Variants in DOCK6 observed in about 807,000 individuals in gnomAD.
DOCK6 encodes the protein dedicator of cytokinesis protein 6.
In DOCK6, 167 loss-of-function variants were observed where a neutral mutation model predicts 230.3. The ratio of observed to expected loss-of-function variants is 0.73; its 90% CI spans 0.64 to 0.82. DOCK6 has a LOEUF of 0.82. Among genes scored for constraint, DOCK6 ranks in the 40% least tolerant of loss-of-function variants. DOCK6 has a pLI of 0.00. For synonymous variants in DOCK6, 1,148 were observed against 1,185.0 expected (o/e 0.97, Z 0.64); for missense variants, 2,598 against 2,825.8 (o/e 0.92, Z 1.83).
rs558550272 is a variant in DOCK6 at position 11,228,910 on chromosome 19, T to G, written c.2814+30A>C. The G allele has an allele frequency of 5.6e-6, 9 of 1,611,004 alleles. No individual in the cohort carries two copies. In the East Asian group the frequency reaches 2.0e-4, roughly 36 times the overall value. On this transcript the variant is annotated intron_variant, in intron 23 of 47. Transcript: ENST00000294618. ...GGAAGGGGCTCCACTGGGGGTCTCT[T>G]GCCACCAGGCAGGGAGGAGGGGGTC...
intron 35 of DOCK6, among the ~76,000 whole-genome samples, chr19:11,212,588 A>C (rs1600866258): frequency 8.5e-6 from 1 of 117,708 alleles, no homozygotes. Context: ...TTTGAGACTG[A>C]GTGTCACTTT....
rs1210551848 is a variant in DOCK6 at position 11,209,001 on chromosome 19, C to T, written c.4854G>A (p.Gln1618=). 3 of 1,611,302 alleles carry T rather than the reference C, an allele frequency of 1.9e-6. No homozygotes were observed. The highest frequency in any genetic ancestry group is 2.7e-5 in the African/African-American group (2 of 74,848). The change falls in exon 38 of 48, where the codon CAG becomes CAA. Residue 1618 remains glutamine (Q), a synonymous_variant. Transcript: ENST00000294618. The stretch of plus-strand genomic sequence containing the variant: ...CGAGGGCGGCCGCGTGCACCATGCA[C>T]TGGGCGGCCTCGGCGTGGTTGCCCA... ...AELGNHAEAA[Q]CMVHAAALVA... is the part of the protein sequence containing the mutation.
At chr19:11,240,158 G>T (rs1055701628) in intron 14 of DOCK6, 3 of 1,551,876 alleles carry the variant, frequency 1.9e-6, no homozygotes, top group Non-Finnish European at 2.6e-6. Context: ...TTCTGCAGCT[G>T]CAGGCAGAGG....
chr19:11,205,677 A>G (rs1189678262), intron 39 of DOCK6: 1 of 151,568 alleles, frequency 6.6e-6, no homozygotes, highest in Non-Finnish European at 1.5e-5. Context: ...GGGTTTCACT[A>G]TATTGGCCAG....
At chr19:11,242,384 T>A (rs1245039594) in intron 13 of DOCK6, among the ~76,000 whole-genome samples, 177 bp from the exon 14 acceptor site, 3 of 151,816 alleles carry the variant, frequency 2.0e-5, no homozygotes, top group African/African-American at 7.3e-5. Context: ...CACCCTAAAT[T>A]TTTTTTCGTT....
chr19:11,229,214 T>A, intron 22 of DOCK6, 179 bp from the exon 23 acceptor site: 1 of 1,290,730 alleles, frequency 7.7e-7, no homozygotes, highest in Non-Finnish European at 1.0e-6. Flanking sequence ...CAGACCCCCC[T>A]GGACTCTGGA....
chr19:11,247,610 G>A (rs948089286), intron 7 of DOCK6: 1 of 156,372 alleles, frequency 6.4e-6, no homozygotes, highest in African/African-American at 2.4e-5. Flanking sequence ...CTGCTCCCCG[G>A]GGGCTGGTGT....
intron 34 of DOCK6, among the ~76,000 whole-genome samples, chr19:11,214,073 G>A (rs1473389878): frequency 6.6e-6 from 1 of 151,956 alleles, no homozygotes; most frequent in Non-Finnish European, 1.5e-5. Context: ...GTGAGCCACC[G>A]TGCCTAGTCC....
chr19:11,216,953 C>T lies in DOCK6; in HGVS notation c.3855G>A (p.Leu1285=). Residue 1285 remains leucine (L), a synonymous_variant, in exon 30 of 48, where the codon TTG becomes TTA. Coordinates refer to ENST00000294618, the MANE Select transcript of DOCK6 (RefSeq NM_020812.4). ...DLTLPQLGRL[L]DLLYLCLAAF... ...CAGCTAGGCAAAGGTACAGCAAATC[C>T]AACAGACGTCCCAGCTGGGGGAGTG... is the stretch of plus-strand genomic sequence containing the variant. 6.2e-7 allele frequency: 1 copy of T among 1,613,776 alleles called. No homozygotes were observed.
rs1599272263 is a variant in DOCK6, at chr19:11,243,829, C to T, written c.1077G>A (p.Met359Ile). 6.2e-7 allele frequency: 1 copy of T among 1,612,926 alleles called. No homozygotes were observed. ...TGGCTGTGTCCACTTCTTTCAACAC[C>T]ATGTAAGGCTCACAGCACTCACTGA... ...GDISECCEPYMVLKEVDTAKN... is the reference protein window; with the variant it reads ...GDISECCEPYIVLKEVDTAKN... Residue 359 changes from methionine (M) to isoleucine (I), a missense_variant, in exon 10 of 48, where the codon ATG becomes ATA. Transcript: ENST00000294618. This position sits in a 1 kb window ranked among gnomAD's most constrained non-coding sequence, Gnocchi z 6.3.
At chr19:11,206,913 C>T (rs776165716) in intron 39 of DOCK6, among the ~76,000 whole-genome samples, 3 of 151,792 alleles carry the variant, frequency 2.0e-5, no homozygotes, top group South Asian at 4.2e-4. Context: ...GGCATGATCT[C>T]AGCTCACTGC....
At chr19:11,253,318 G>C (rs1437636055) in intron 2 of DOCK6, among the ~76,000 whole-genome samples, 1 of 152,118 alleles carries the variant, frequency 6.6e-6, no homozygotes, top group Non-Finnish European at 1.5e-5. Context: ...TCAGGCGAAA[G>C]TCACTCCCCT....
Position 11,209,004 on chromosome 19 carries a change from G to A in DOCK6, c.4851C>T (p.Ala1617=). Residue 1617 remains alanine, a synonymous_variant, in exon 38 of 48, where the codon GCC becomes GCT. Coordinates refer to ENST00000294618, the MANE Select transcript of DOCK6 (RefSeq NM_020812.4). ...HAELGNHAEA[A]QCMVHAAALV... ...GGGCGGCCGCGTGCACCATGCACTG[G>A]GCGGCCTCGGCGTGGTTGCCCAGCT... The A allele has an allele frequency of 6.2e-7, 1 of 1,611,334 alleles. No individual in the cohort carries two copies. The highest frequency in any genetic ancestry group is 8.5e-7 in the Non-Finnish European group (1 of 1,179,002).
At position 11,208,825 on chromosome 19, in the gene DOCK6, A is replaced by G. The variant is rs367661927; in HGVS notation, c.4949T>C (p.Ile1650Thr). The change falls in exon 39 of 48, where the codon ATC (isoleucine) becomes ACC (threonine). Residue 1650 changes from isoleucine to threonine, a missense_variant. Coordinates refer to ENST00000294618, the MANE Select transcript of DOCK6 (RefSeq NM_020812.4). The stretch of plus-strand genomic sequence containing the variant: ...GGACTCCTCTAGCACGTTGGATGAG[A>G]TGTTCTGGGGTGGGAGAGGTGGCGT... Reference protein sequence around the residue: ...LPVGCVSFQNISSNVLEESAI... With the variant: ...LPVGCVSFQNTSSNVLEESAI... 6.2e-7 allele frequency: 1 copy of G among 1,612,666 alleles called. No individual in the cohort carries two copies. Among genetic ancestry groups the G allele is most frequent in the African/African-American group, 1.3e-5 (1 of 74,836 alleles).
At chr19:11,244,298 A>AT (rs562047042) in intron 9 of DOCK6, among the ~76,000 whole-genome samples, 9 of 140,408 alleles carry the variant, frequency 6.4e-5, no homozygotes, top group East Asian at 4.4e-4. Flanking sequence ...CTTGCTGTGA[A>AT]TTTTTTTTTT....
rs1568675955 is a variant in DOCK6 at position 11,212,141 on chromosome 19, C to A, written c.4502G>T (p.Arg1501Leu). The A allele has an allele frequency of 1.2e-6, 2 of 1,603,090 alleles. No homozygotes were observed. Among genetic ancestry groups the A allele is most frequent in the Non-Finnish European group, 8.5e-7 (1 of 1,176,036 alleles). The change falls in exon 36 of 48, where the codon CGT becomes CTT. Residue 1501 changes from arginine (R) to leucine (L), a missense_variant. By Grantham distance (102) the Arg-to-Leu change is moderately radical. Coordinates refer to ENST00000294618, the MANE Select transcript of DOCK6 (RefSeq NM_020812.4). ...QNFEIGHNFARVKMQVTMSLS... is the reference protein window; with the variant it reads ...QNFEIGHNFALVKMQVTMSLS... ...AGACATGGTGACCTGCATCTTCACA[C>A]GGGCAAAGTTCTGCAGGGACAGGGG... is the stretch of plus-strand genomic sequence containing the variant.
intron 1 of DOCK6, among the ~76,000 whole-genome samples, chr19:11,258,413 C>T (rs924576975): frequency 1.3e-5 from 2 of 151,710 alleles, no homozygotes; most frequent in Admixed American, 6.6e-5. Flanking sequence ...CTTTAAACTT[C>T]GCACTTTTCT....
chr19:11,215,557 T>C (rs2079471194), intron 31 of DOCK6, 86 bp from the exon 32 acceptor site: 4 of 1,420,360 alleles, frequency 2.8e-6, no homozygotes, highest in African/African-American at 2.8e-5. Flanking sequence ...CATGAAGATA[T>C]TCAGGTGGGC....
Position 11,222,874 on chromosome 19 carries a change from G to T in DOCK6, c.3101C>A (p.Pro1034Gln). 1 of 1,607,444 alleles carries T rather than the reference G, an allele frequency of 6.2e-7. No homozygotes were observed. The change falls in exon 26 of 48, where the codon CCA (proline) becomes CAA (glutamine). Residue 1034 changes from proline (P) to glutamine (Q), a missense_variant. Pro to Gln is a moderately conservative substitution (Grantham distance 76, BLOSUM62 -1). Coordinates refer to ENST00000294618, the MANE Select transcript of DOCK6 (RefSeq NM_020812.4). This position sits in a 1 kb window ranked among gnomAD's most constrained non-coding sequence, Gnocchi z 4.0. ...VATRLQSSPN[P>Q]AALLTLRMEF... ...CATGCGCAGGGTCAGCAGGGCTGCTGGATTAGGGGACGACTGGAGCCGCGT... is the reference window on the plus strand; with the variant it reads ...CATGCGCAGGGTCAGCAGGGCTGCTTGATTAGGGGACGACTGGAGCCGCGT...
Sources: gnomAD v4.1 joint callset for allele counts (sites outside exome capture counted in the v4.1 genomes callset) on GRCh38, gnomAD v4.1.1 for gene constraint, Gnocchi (gnomAD v3.1) non-coding constraint, MANE v1.5 for transcripts, NCBI Gene and HGNC (gene_info 2026-07-23, HGNC 2026-07-21) for gene names.